SYT9: variants seen among roughly 807,000 people sequenced by gnomAD.
The protein encoded by SYT9 is synaptotagmin-9.
Under a neutral mutation model 48.4 loss-of-function variants are expected in SYT9, and 22 were observed. The ratio of observed to expected loss-of-function variants is 0.45; its 90% CI spans 0.32 to 0.65. The LOEUF (loss-of-function observed/expected upper bound fraction) is 0.65, where lower values mean the gene tolerates loss of function less well. Ranked by LOEUF, SYT9 falls within the 30% of genes least tolerant of loss-of-function variation. The pLI, the probability that SYT9 is intolerant of heterozygous loss-of-function variation, is 0.03. For missense variants in SYT9, 577 were observed against 622.0 expected (o/e 0.93, Z 0.77); for synonymous variants, 265 against 245.0 (o/e 1.08, Z -0.76).
rs1160155685 is a variant in SYT9, at chr11:7,416,107, C to G, written c.1110C>G (p.Thr370=). 1 of 1,614,006 alleles carries G rather than the reference C, an allele frequency of 6.2e-7. No homozygotes were observed. Among genetic ancestry groups the G allele is most frequent in the East Asian group, 2.2e-5 (1 of 44,890 alleles). ...LCYLPTAGRL[T]ITIIKARNLK... is the part of the protein sequence containing the mutation. The stretch of plus-strand genomic sequence containing the variant: ...ATCTTCCAACGGCTGGCAGGCTGAC[C>G]ATTACCATTATAAAAGCAAGGAATT... The change falls in exon 4 of 7, where the codon ACC becomes ACG. Residue 370 remains threonine, a synonymous_variant. Transcript: ENST00000318881.
chr11:7,325,390 C>G (rs1332592504), intron 3 of SYT9, among the ~76,000 whole-genome samples: 1 of 137,420 alleles, frequency 7.3e-6, no homozygotes, highest in Non-Finnish European at 1.5e-5. Flanking sequence ...AATGGGAGTT[C>G]ACTCATGATT....
intron 3 of SYT9, among the ~76,000 whole-genome samples, chr11:7,348,418 C>T (rs571050091): frequency 6.6e-6 from 1 of 152,304 alleles, no homozygotes; most frequent in East Asian, 1.9e-4. Flanking sequence ...GCATCCTTTA[C>T]TGGGCATATA....
At chr11:7,352,669 G>T (rs978511883) in intron 3 of SYT9, among the ~76,000 whole-genome samples, 1 of 152,148 alleles carries the variant, frequency 6.6e-6, no homozygotes, top group African/African-American at 2.4e-5. Flanking sequence ...AAAATAATAT[G>T]ACATGTGCTC....
chr11:7,378,862 T>C (rs1205214952), intron 3 of SYT9, among the ~76,000 whole-genome samples: 1 of 152,142 alleles, frequency 6.6e-6, no homozygotes, highest in Non-Finnish European at 1.5e-5. Context: ...ATGACGAAGA[T>C]GCTGAGAATG....
chr11:7,241,482 C>T (rs750401809), intron 1 of SYT9, among the ~76,000 whole-genome samples: 26 of 152,202 alleles, frequency 1.7e-4, no homozygotes, highest in Non-Finnish European at 2.8e-4. Flanking sequence ...AAATTGAAGT[C>T]TCTGTGTTGA....
At chr11:7,334,194 A>G (rs1849593482) in intron 3 of SYT9, among the ~76,000 whole-genome samples, 1 of 152,002 alleles carries the variant, frequency 6.6e-6, no homozygotes, top group Non-Finnish European at 1.5e-5. Context: ...AGATAGGGAA[A>G]TAAAATGGAA....
At chr11:7,432,029 A>C (rs61888638) in intron 6 of SYT9, among the ~76,000 whole-genome samples, 56,052 of 152,118 alleles carry the variant, frequency 0.37, 10,522 homozygotes, top group Middle Eastern at 0.48. Context: ...AACTATGAGA[A>C]GGGGGCCACC....
chr11:7,300,992 T>G (rs1439117111), intron 1 of SYT9, among the ~76,000 whole-genome samples: 1 of 152,226 alleles, frequency 6.6e-6, no homozygotes, highest in Admixed American at 6.5e-5. Flanking sequence ...CTGGGATTTT[T>G]AATTTTTATT....
chr11:7,387,354 A>T (rs993863944), intron 3 of SYT9, among the ~76,000 whole-genome samples: 2 of 152,246 alleles, frequency 1.3e-5, no homozygotes, highest in Admixed American at 6.5e-5. Flanking sequence ...AAATAATAAA[A>T]TAAAATGTGC....
intron 1 of SYT9, among the ~76,000 whole-genome samples, chr11:7,258,977 A>T (rs1384416450): frequency 6.6e-6 from 1 of 152,100 alleles, no homozygotes; most frequent in East Asian, 1.9e-4. Flanking sequence ...TATTACTAGT[A>T]TCTGGGTTAC....
Position 7,417,971 on chromosome 11 carries a change from G to A in SYT9, c.1180G>A (p.Val394Ile). Residue 394 changes from valine to isoleucine, a missense_variant, in exon 5 of 7, where the codon GTC becomes ATC. Transcript: ENST00000318881. ...GGTCTGTCCAGATCCCTATGTGAAAGTCTCGCTGATGTGTGATGGCAGACG... is the reference window on the plus strand; with the variant it reads ...GGTCTGTCCAGATCCCTATGTGAAAATCTCGCTGATGTGTGATGGCAGACG... ...ITGASDPYVKVSLMCDGRRLK... is the reference protein window; with the variant it reads ...ITGASDPYVKISLMCDGRRLK... 1.9e-6 allele frequency: 3 copies of A among 1,613,846 alleles called. No individual in the cohort carries two copies. The highest frequency in any genetic ancestry group is 2.5e-6 in the Non-Finnish European group (3 of 1,179,850).
chr11:7,292,989 C>T (rs1157497187), intron 1 of SYT9, among the ~76,000 whole-genome samples: 1 of 152,190 alleles, frequency 6.6e-6, no homozygotes, highest in African/African-American at 2.4e-5. Context: ...GAACTTAAAT[C>T]TGGCTCTTAG....
At chr11:7,314,061 T>C (rs1048709625) in intron 3 of SYT9, 120 bp downstream of exon 3, 83 of 1,176,610 alleles carry the variant, frequency 7.1e-5, no homozygotes, top group Non-Finnish European at 8.9e-5. Context: ...CATGTAGCAG[T>C]TATTTCAGAA....
intron 3 of SYT9, among the ~76,000 whole-genome samples, chr11:7,328,408 A>T (rs2133974039): frequency 1.3e-5 from 2 of 152,254 alleles, no homozygotes; most frequent in Non-Finnish European, 2.9e-5. Context: ...AACTTATAAG[A>T]TACAACCTCT....
chr11:7,464,320 T>C (rs1712905883), intron 6 of SYT9, among the ~76,000 whole-genome samples: 1 of 152,128 alleles, frequency 6.6e-6, no homozygotes, highest in Admixed American at 6.5e-5. Context: ...TCTGGCTAGA[T>C]TTAGGGAGTC....
chr11:7,247,120 A>C (rs1467480287), upstream of SYT9, among the ~76,000 whole-genome samples: 1 of 152,128 alleles, frequency 6.6e-6, no homozygotes, highest in East Asian at 1.9e-4. Flanking sequence ...TTATTTCTAT[A>C]GGTTATTGGG....
At chr11:7,347,764 T>G (rs1386849411) in intron 3 of SYT9, among the ~76,000 whole-genome samples, 4 of 152,136 alleles carry the variant, frequency 2.6e-5, no homozygotes, top group Non-Finnish European at 4.4e-5. Context: ...TCTGCCAGAT[T>G]GAGACAGGGA....
chr11:7,325,841 A>G, intron 3 of SYT9, among the ~76,000 whole-genome samples: 1 of 57,104 alleles, frequency 1.8e-5, no homozygotes, highest in Non-Finnish European at 3.1e-5. Context: ...GAATTTTGTC[A>G]AAGGCTTTTT....
intron 3 of SYT9, among the ~76,000 whole-genome samples, chr11:7,366,120 G>A (rs1218473463): frequency 6.6e-6 from 1 of 152,196 alleles, no homozygotes; most frequent in South Asian, 2.1e-4. Flanking sequence ...ATGATTCGTT[G>A]CTGCTCAGTC....
Sources: gnomAD v4.1 joint callset for allele counts (sites outside exome capture counted in the v4.1 genomes callset) on GRCh38, gnomAD v4.1.1 for gene constraint, MANE v1.5 for transcripts, NCBI Gene and HGNC (gene_info 2026-07-23, HGNC 2026-07-21) for gene names.